Variants in NPAS3 observed in about 807,000 individuals in gnomAD.
The protein encoded by NPAS3 is neuronal PAS domain-containing protein 3.
In NPAS3, 14 loss-of-function variants were observed where a neutral mutation model predicts 73.1. The ratio of observed to expected loss-of-function variants is 0.19; its 90% CI spans 0.13 to 0.30. NPAS3 has a LOEUF of 0.30. Among genes scored for constraint, NPAS3 ranks in the 10% least tolerant of loss-of-function variants. NPAS3 has a pLI of 1.00. For synonymous variants in NPAS3, 620 were observed against 541.5 expected (o/e 1.14, Z -2.01); for missense variants, 1,096 against 1,250.0 (o/e 0.88, Z 1.86).
chr14:33,337,972 T>TG (rs397852474), intron 3 of NPAS3, among the ~76,000 whole-genome samples: 51 of 151,254 alleles, frequency 3.4e-4, no homozygotes, highest in African/African-American at 1.2e-3. Flanking sequence ...AATTTTTTTT[T>TG]GTAGATTTCT....
At chr14:33,330,492 T>C (rs374091145) in intron 3 of NPAS3, among the ~76,000 whole-genome samples, 12 of 152,158 alleles carry the variant, frequency 7.9e-5, no homozygotes, top group African/African-American at 2.9e-4. Context: ...AATAAACACT[T>C]GGGAGGCCAT....
At chr14:33,209,891 G>A (rs575546760) in intron 2 of NPAS3, among the ~76,000 whole-genome samples, 2 of 152,104 alleles carry the variant, frequency 1.3e-5, no homozygotes, top group Non-Finnish European at 2.9e-5. Flanking sequence ...GCTTGGAGAA[G>A]GATTTTTACA....
intron 3 of NPAS3, among the ~76,000 whole-genome samples, chr14:33,231,713 G>A (rs761856012): frequency 6.6e-5 from 10 of 152,110 alleles, no homozygotes; most frequent in Admixed American, 2.0e-4. Context: ...TTTCTTTCTC[G>A]TATGTAGAAC....
At chr14:33,237,965 C>T (rs996451632) in intron 3 of NPAS3, among the ~76,000 whole-genome samples, 16 of 151,490 alleles carry the variant, frequency 1.1e-4, no homozygotes, top group South Asian at 4.2e-4. Context: ...TATACATTTC[C>T]GCTTTTGCAT....
At chr14:33,421,350 A>T (rs1594877659) in intron 4 of NPAS3, among the ~76,000 whole-genome samples, 1 of 151,928 alleles carries the variant, frequency 6.6e-6, no homozygotes, top group Non-Finnish European at 1.5e-5. Context: ...CTATTTTTCA[A>T]CAAAGGAATT....
rs548786846 is a variant in NPAS3, at chr14:33,284,591, G to A, written c.385+69165G>A. 8.8e-4 allele frequency among the ~76,000 whole-genome samples: 134 copies of A among 152,150 alleles called. 1 individual carries two copies. Among genetic ancestry groups the A allele is most frequent in the African/African-American group, 3.2e-3 (132 of 41,494 alleles). On this transcript the variant is annotated intron_variant, in intron 3 of 11. Transcript: ENST00000356141. Reference sequence around the variant, plus strand: ...TTATTAGACAGTAATCAAATTACTGGCAGAAGACAACTCATTACCTTCAAA... The same window carrying A: ...TTATTAGACAGTAATCAAATTACTGACAGAAGACAACTCATTACCTTCAAA...
intron 5 of NPAS3, among the ~76,000 whole-genome samples, chr14:33,602,697 G>C (rs987453949): frequency 2.0e-5 from 3 of 151,950 alleles, no homozygotes; most frequent in African/African-American, 7.3e-5. Flanking sequence ...TTTTTGTTTT[G>C]TTTCATTTGG....
intron 5 of NPAS3, among the ~76,000 whole-genome samples, chr14:33,577,577 G>A (rs1277144986): frequency 6.6e-6 from 1 of 152,100 alleles, no homozygotes; most frequent in Non-Finnish European, 1.5e-5. Flanking sequence ...GGTAAGCCAG[G>A]ACTCTACCTC....
At chr14:33,107,189 C>A (rs1244637048) in intron 2 of NPAS3, among the ~76,000 whole-genome samples, 1 of 152,074 alleles carries the variant, frequency 6.6e-6, no homozygotes, top group Non-Finnish European at 1.5e-5. Flanking sequence ...CTAGGTAATC[C>A]AAAGATTAAG....
intron 3 of NPAS3, among the ~76,000 whole-genome samples, chr14:33,311,812 G>A (rs2140197168): frequency 6.6e-6 from 1 of 152,200 alleles, no homozygotes; most frequent in Non-Finnish European, 1.5e-5. Context: ...GCCTGAGAAT[G>A]ACAGGAAAGA....
chr14:33,166,360 T>C (rs556142384), intron 2 of NPAS3, among the ~76,000 whole-genome samples: 3 of 152,284 alleles, frequency 2.0e-5, no homozygotes, highest in African/African-American at 7.2e-5. Flanking sequence ...CCATGAAGCC[T>C]TCTAGTTTTT....
intron 5 of NPAS3, among the ~76,000 whole-genome samples, chr14:33,620,116 TG>T (rs1436761354): frequency 2.0e-5 from 3 of 152,304 alleles, no homozygotes; most frequent in Admixed American, 6.5e-5. Flanking sequence ...ATGAAAGAAT[TG>T]GGCTGGCCAT....
chr14:33,383,959 C>G (rs533088418), intron 4 of NPAS3, among the ~76,000 whole-genome samples: 1 of 152,248 alleles, frequency 6.6e-6, no homozygotes, highest in Non-Finnish European at 1.5e-5. Flanking sequence ...GCCAGCTGTT[C>G]TCTAGAGTAT....
At chr14:33,260,037 T>G (rs2048916272) in intron 3 of NPAS3, among the ~76,000 whole-genome samples, 1 of 152,114 alleles carries the variant, frequency 6.6e-6, no homozygotes, top group Non-Finnish European at 1.5e-5. Context: ...AAAAGCCTAT[T>G]GCATGCAGCC....
chr14:33,069,812 G>GT (rs1451335231), intron 2 of NPAS3, among the ~76,000 whole-genome samples: 1 of 152,184 alleles, frequency 6.6e-6, no homozygotes, highest in African/African-American at 2.4e-5. Flanking sequence ...TTTCACCCCT[G>GT]TAACTACCCA....
At chr14:33,335,598 G>T (rs2044189229) in intron 3 of NPAS3, among the ~76,000 whole-genome samples, 1 of 152,168 alleles carries the variant, frequency 6.6e-6, no homozygotes, top group Non-Finnish European at 1.5e-5. Flanking sequence ...CCCTGGTCAG[G>T]GTTGGAAGTT....
chr14:33,687,594 G>T (rs1284888482), intron 6 of NPAS3, among the ~76,000 whole-genome samples: 1 of 152,118 alleles, frequency 6.6e-6, no homozygotes, highest in African/African-American at 2.4e-5. Flanking sequence ...TCAAAATTAG[G>T]TAGAAACTTA....
chr14:33,318,404 G>A (rs193194093), intron 3 of NPAS3, among the ~76,000 whole-genome samples: 1 of 152,112 alleles, frequency 6.6e-6, no homozygotes, highest in African/African-American at 2.4e-5. Flanking sequence ...CACGAAAAGA[G>A]TTCTGGAGAC....
chr14:33,004,816 C>CATTTTTTTTTTTTTTTTTTTTTTTTT (rs1566455727), intron 1 of NPAS3, among the ~76,000 whole-genome samples: 1 of 21,872 alleles, frequency 4.6e-5, no homozygotes, highest in Non-Finnish European at 1.1e-4. Flanking sequence ...AAAAAGTTTT[C>CATTTTTTTTTTTTTTTTTTTTTTTTT]CTTTTTTTTT....
Sources: allele counts gnomAD v4.1 joint callset (sites outside exome capture counted in the v4.1 genomes callset), GRCh38; gene constraint gnomAD v4.1.1; transcripts MANE v1.5; gene names NCBI Gene and HGNC (gene_info 2026-07-23, HGNC 2026-07-21).